The following WAPL variants were observed in gnomAD, a reference collection of about 807,000 sequenced individuals.
WAPL encodes wings apart-like protein homolog.
A neutral mutation model predicts 121.0 loss-of-function variants in WAPL; 5 were observed. The ratio of observed to expected loss-of-function variants is 0.04; its 90% CI spans 0.02 to 0.09. The LOEUF (loss-of-function observed/expected upper bound fraction) is 0.09, where lower values mean the gene tolerates loss of function less well. Ranked by LOEUF, WAPL falls within the 10% of genes least tolerant of loss-of-function variation. The pLI is 1.00. For missense variants in WAPL, 999 were observed against 1,410.8 expected, an observed-to-expected ratio of 0.71 and a Z score of 4.68; for synonymous variants, 480 against 481.5, an observed-to-expected ratio of 1.00 and a Z score of 0.04.
chr10:86,446,170 A>G (rs1262158030), intron 16 of WAPL, 72 bp downstream of exon 16: 5 of 1,531,640 alleles, frequency 3.3e-6, no homozygotes, highest in Non-Finnish European at 4.5e-6. Context: ...CTGCAAATTA[A>G]AATAGTTTGA....
At chr10:86,520,768 A>T (rs1162178073) in intron 1 of WAPL, among the ~76,000 whole-genome samples, 10 of 1,758 alleles carry the variant, frequency 5.7e-3, no homozygotes, top group African/African-American at 0.012. Context: ...CTGTGATTTA[A>T]AAAAAAAAAA....
rs1334630540 is a variant in WAPL, at chr10:86,500,717, GTTC to G, written c.523_525del (p.Glu175del). The G allele has an allele frequency of 6.4e-7, 1 of 1,568,578 alleles. No homozygotes were observed. Among genetic ancestry groups the G allele is most frequent in the African/African-American group, 1.4e-5 (1 of 72,444 alleles). Reference sequence around the variant, plus strand: ...TGAATATGGTGACTATTCTTTTCATGTTCTTCATGAAAATTCTCCACTTTATCT... The same window carrying G: ...TGAATATGGTGACTATTCTTTTCATGTTCATGAAAATTCTCCACTTTATCT... On this transcript the variant is annotated inframe_deletion, in exon 3 of 19. Transcript: ENST00000298767.
At chr10:86,502,984 C>G (rs1029431095) in intron 2 of WAPL, among the ~76,000 whole-genome samples, 1 of 151,720 alleles carries the variant, frequency 6.6e-6, no homozygotes, top group Non-Finnish European at 1.5e-5. Flanking sequence ...ATGGTGAAAC[C>G]CTGTCTCTAC....
At chr10:86,467,068 T>C (rs75232359) in intron 9 of WAPL, 36,099 of 517,460 alleles carry the variant, frequency 0.07, 2,919 homozygotes, top group East Asian at 0.36. Context: ...TGCAACTATT[T>C]ATTGGGCAAA....
intron 18 of WAPL, 24 bp downstream of exon 18, chr10:86,437,896 T>C (rs1268793016): frequency 6.6e-7 from 1 of 1,513,012 alleles, no homozygotes; most frequent in Non-Finnish European, 9.2e-7. Flanking sequence ...TAAAATCATA[T>C]AAGCTGTAAT....
At chr10:86,515,418 G>T (rs530853015) in intron 2 of WAPL, among the ~76,000 whole-genome samples, 2 of 152,046 alleles carry the variant, frequency 1.3e-5, no homozygotes, top group Non-Finnish European at 2.9e-5. Flanking sequence ...AGCTGACCTT[G>T]GACAGTCATT....
Position 86,437,571 on chromosome 10 carries a change from C to T in WAPL, c.3545G>A (p.Arg1182Lys). Residue 1182 changes from arginine to lysine, a missense_variant, in exon 19 of 19, where the codon AGA (arginine) becomes AAA (lysine). Coordinates refer to ENST00000298767, the MANE Select transcript of WAPL (RefSeq NM_015045.5). ...VGTTGQKSIS[R>K]VIEYLEHC ...GCAATGTTCCAAATATTCAATCACTCTAGAGATAGATTTCTGGCCAGTTGT... is the reference window on the plus strand; with the variant it reads ...GCAATGTTCCAAATATTCAATCACTTTAGAGATAGATTTCTGGCCAGTTGT... 6.2e-7 allele frequency: 1 copy of T among 1,613,808 alleles called. No homozygotes were observed. The highest frequency in any genetic ancestry group is 8.5e-7 in the Non-Finnish European group (1 of 1,179,866).
chr10:86,451,313 GA>G (rs907912443), intron 15 of WAPL, among the ~76,000 whole-genome samples: 3 of 150,610 alleles, frequency 2.0e-5, no homozygotes, highest in Middle Eastern at 3.2e-3. Context: ...TATAACAGTC[GA>G]AAAAAAATCA....
chr10:86,477,374 C>G (rs1268619361), intron 4 of WAPL, among the ~76,000 whole-genome samples: 1 of 152,194 alleles, frequency 6.6e-6, no homozygotes, highest in Non-Finnish European at 1.5e-5. Flanking sequence ...GTAAAAGTAT[C>G]ATACAGCAAT....
chr10:86,505,300 CTTTTTT>C (rs531404303), intron 2 of WAPL, among the ~76,000 whole-genome samples: 76 of 44,652 alleles, frequency 1.7e-3, no homozygotes, highest in South Asian at 3.7e-3. Context: ...GTGCCCAACT[CTTTTTT>C]TTTTTTTTTT....
In WAPL at chr10:86,499,971, A is replaced by C. The variant is rs775347403; in HGVS notation, c.1272T>G (p.Val424=). Residue 424 remains valine, a synonymous_variant, in exon 3 of 19, where the codon GTT becomes GTG. Coordinates refer to ENST00000298767, the MANE Select transcript of WAPL (RefSeq NM_015045.5). ...CTTCAAAACCAAAAAATTCAAGTTT[A>C]ACATCCTTTTTGGATTTAGTATTAC... ...RPSNTKSKKD[V]KLEFFGFEDH... 8 of 1,614,190 alleles carry C rather than the reference A, an allele frequency of 5.0e-6. No individual in the cohort carries two copies. The highest frequency in any genetic ancestry group is 6.8e-6 in the Non-Finnish European group (8 of 1,180,020).
rs762820385 is a variant in WAPL, at chr10:86,453,175, T to G, written c.2949+45A>C. 19 of 1,580,340 alleles carry G rather than the reference T, an allele frequency of 1.2e-5. No homozygotes were observed. The Admixed American group carries it at 2.3e-4, about 19-fold the overall frequency. ...AACTAAGGTTAACATTTTGCACACC[T>G]TATTAGATATGATACTCATTTCTGA... On this transcript the variant is annotated intron_variant, in intron 14 of 18. Transcript: ENST00000298767.
At chr10:86,438,411 G>A (rs931399618) in intron 17 of WAPL, among the ~76,000 whole-genome samples, 1 of 152,108 alleles carries the variant, frequency 6.6e-6, no homozygotes, top group Non-Finnish European at 1.5e-5. Flanking sequence ...GTGCCACCAT[G>A]CCTGGCTAAT....
intron 2 of WAPL, among the ~76,000 whole-genome samples, chr10:86,504,368 ATTTAT>A (rs1425475437): frequency 1.1e-3 from 1 of 920 alleles, no homozygotes; most frequent in Non-Finnish European, 2.1e-3. Context: ...CTTTCTATTA[ATTTAT>A]TTTATCTCAA....
At position 86,443,888 on chromosome 10, in the gene WAPL, C is replaced by T. The variant is rs138080153; in HGVS notation, c.3323-525G>A. 1.8e-4 allele frequency: 28 copies of T among 154,942 alleles called. No homozygotes were observed. In the East Asian group the frequency reaches 3.2e-3, roughly 18 times the overall value. The allele number at this position is 154,942 out of a possible 1,614,324, so 9.6% of individuals were successfully genotyped here. On this transcript the variant is annotated intron_variant, in intron 16 of 18. Coordinates refer to ENST00000298767, the MANE Select transcript of WAPL (RefSeq NM_015045.5). Reference sequence around the variant, plus strand: ...ATTCAAAAACCTTTAATGGGTGTGGCGGTGCACGCCTGTAGCTCCCAGCTA... The same window carrying T: ...ATTCAAAAACCTTTAATGGGTGTGGTGGTGCACGCCTGTAGCTCCCAGCTA...
intron 4 of WAPL, among the ~76,000 whole-genome samples, chr10:86,480,126 T>C (rs1188312011): frequency 6.6e-6 from 1 of 152,230 alleles, no homozygotes; most frequent in African/African-American, 2.4e-5. Flanking sequence ...TATGAAACAC[T>C]GTAGAGAATC....
intron 2 of WAPL, among the ~76,000 whole-genome samples, chr10:86,506,151 C>T (rs1274003836): frequency 6.6e-6 from 1 of 152,270 alleles, no homozygotes; most frequent in Non-Finnish European, 1.5e-5. Context: ...AGGAAGATTA[C>T]CTGTGCCCAG....
At position 86,467,255 on chromosome 10, in the gene WAPL, A is replaced by T. The variant is rs374657687; in HGVS notation, c.2370+24T>A. On this transcript the variant is annotated intron_variant, in intron 9 of 18. Transcript: ENST00000298767. ...ACTTTCTGAAAGTAATTCTCATCTTAGAAGGAAGGAAGAAGGAACCCACCG... is the reference window on the plus strand; with the variant it reads ...ACTTTCTGAAAGTAATTCTCATCTTTGAAGGAAGGAAGAAGGAACCCACCG... The T allele has an allele frequency of 7.8e-4, 1,238 of 1,595,934 alleles. 20 individuals carry two copies. In the South Asian group the frequency reaches 0.01, roughly 14 times the overall value.
Position 86,453,711 on chromosome 10 carries a change from C to T in WAPL, c.2778G>A (p.Val926=), listed in dbSNP as rs1200078258. 6.2e-7 allele frequency: 1 copy of T among 1,613,862 alleles called. No homozygotes were observed. The highest frequency in any genetic ancestry group is 8.5e-7 in the Non-Finnish European group (1 of 1,179,986). Reference sequence around the variant, plus strand: ...CGATGATGGCCCTCATGCAGTCCTCCACTGCTTTGCCTACATGGTTAGTTA... The same window carrying T: ...CGATGATGGCCCTCATGCAGTCCTCTACTGCTTTGCCTACATGGTTAGTTA... ...QNVTNHVGKA[V]EDCMRAIIGV... is the part of the protein sequence containing the mutation. The change falls in exon 13 of 19, where the codon GTG becomes GTA. Residue 926 remains valine, a synonymous_variant. Transcript: ENST00000298767.
Sources: allele counts gnomAD v4.1 joint callset (sites outside exome capture counted in the v4.1 genomes callset), GRCh38; gene constraint gnomAD v4.1.1; transcripts MANE v1.5; gene names NCBI Gene and HGNC (gene_info 2026-07-23, HGNC 2026-07-21).